The following MMP2 variants were observed in gnomAD, a reference collection of about 807,000 sequenced individuals.
The protein encoded by MMP2 is matrix metallopeptidase 2, also known as 72 kDa type IV collagenase.
Under a neutral mutation model 74.8 loss-of-function variants are expected in MMP2, and 39 were observed. The ratio of observed to expected loss-of-function variants is 0.52; its 90% CI spans 0.40 to 0.68. The LOEUF is 0.68. Ranked by LOEUF, MMP2 falls within the 30% of genes least tolerant of loss-of-function variation. The pLI, the probability that MMP2 is intolerant of heterozygous loss-of-function variation, is 0.00. For missense variants in MMP2, 803 were observed against 878.3 expected, an observed-to-expected ratio of 0.91 and a Z score of 1.08; for synonymous variants, 367 against 339.8, an observed-to-expected ratio of 1.08 and a Z score of -0.88.
chr16:55,479,703 T>C (rs1962048349), intron 1 of MMP2, 71 bp downstream of exon 1: 1 of 1,584,382 alleles, frequency 6.3e-7, no homozygotes, highest in Non-Finnish European at 8.6e-7. Context: ...GGGGTGTCTC[T>C]CCCCCTGCCC....
chr16:55,504,285 G>T (rs1266603135), intron 12 of MMP2, among the ~76,000 whole-genome samples: 1 of 152,154 alleles, frequency 6.6e-6, no homozygotes, highest in Non-Finnish European at 1.5e-5. Context: ...AAGTTATTCA[G>T]ATTTAAAGAC....
At chr16:55,484,568 A>C (rs1228957256) in intron 3 of MMP2, among the ~76,000 whole-genome samples, 1 of 152,258 alleles carries the variant, frequency 6.6e-6, no homozygotes, top group Non-Finnish European at 1.5e-5. Flanking sequence ...GATTTTGGAC[A>C]GCACAGACAA....
intron 8 of MMP2, among the ~76,000 whole-genome samples, chr16:55,492,540 C>T (rs894519304): frequency 9.3e-5 from 14 of 151,312 alleles, no homozygotes; most frequent in Admixed American, 7.9e-4. Flanking sequence ...ATTTAATGGT[C>T]CAGGTGATAT....
In MMP2 at chr16:55,506,297, C is replaced by T. The variant is rs895933919; in HGVS notation, c.*855C>T. On this transcript the variant is annotated 3_prime_UTR_variant, in exon 13 of 13. Transcript: ENST00000219070. ...CAAGGGCCACAGACCCAGCCAGAAGCGGAAACTTAAAAAGTCCGAATCTCT... is the reference window on the plus strand; with the variant it reads ...CAAGGGCCACAGACCCAGCCAGAAGTGGAAACTTAAAAAGTCCGAATCTCT... 6.6e-6 allele frequency: 1 copy of T among 152,202 alleles called. No homozygotes were observed. Among genetic ancestry groups the T allele is most frequent in the East Asian group, 1.9e-4 (1 of 5,198 alleles). The allele number at this position is 152,202 out of a possible 1,614,324, so 9.4% of individuals were successfully genotyped here.
Position 55,505,720 on chromosome 16 carries a change from C to A in MMP2, c.*278C>A. 1 of 504,742 alleles carries A rather than the reference C, an allele frequency of 2.0e-6. No homozygotes were observed. Among genetic ancestry groups the A allele is most frequent in the Non-Finnish European group, 3.6e-6 (1 of 276,626 alleles). 31.3% of individuals were successfully genotyped at this position (504,742 alleles called of 1,614,324 possible). A position where few individuals can be genotyped will look rare whatever the true frequency, so the allele number is the denominator to read the frequency against. ...AAGAGATACTTTGATATTTTCAACG[C>A]AGCCCTGCTTTGGGCTGCCCTGGTG... On this transcript the variant is annotated 3_prime_UTR_variant, in exon 13 of 13. Transcript: ENST00000219070.
At chr16:55,492,811 T>G (rs1962443598) in intron 8 of MMP2, among the ~76,000 whole-genome samples, 1 of 152,188 alleles carries the variant, frequency 6.6e-6, no homozygotes, top group Non-Finnish European at 1.5e-5. Flanking sequence ...CCCTGACTCT[T>G]GTGGGCATAA....
chr16:55,496,622 A>C (rs1962533659), intron 9 of MMP2, among the ~76,000 whole-genome samples: 1 of 152,216 alleles, frequency 6.6e-6, no homozygotes, highest in Admixed American at 6.5e-5. Context: ...CCAGGCACTC[A>C]GAGTTGATGA....
At chr16:55,490,618 C>T (rs1026390020) in intron 7 of MMP2, among the ~76,000 whole-genome samples, 8 of 152,198 alleles carry the variant, frequency 5.3e-5, no homozygotes, top group African/African-American at 1.9e-4. Context: ...ATGGCCAGGT[C>T]AGTGGGCAGG....
At chr16:55,491,772 C>A in intron 7 of MMP2, 29 bp from the exon 8 acceptor site, 1 of 1,613,966 alleles carries the variant, frequency 6.2e-7, no homozygotes, top group Non-Finnish European at 8.5e-7. Flanking sequence ...TCCTGTCTTT[C>A]AACCCTCTCT....
At chr16:55,504,647 T>C (rs1324476544) in intron 12 of MMP2, among the ~76,000 whole-genome samples, 1 of 134,238 alleles carries the variant, frequency 7.4e-6, no homozygotes, top group African/African-American at 2.9e-5. Flanking sequence ...ATTGAAACAA[T>C]TGAATTTTTT....
chr16:55,493,121 G>A, intron 8 of MMP2, 37 bp from the exon 9 acceptor site: 1 of 1,612,052 alleles, frequency 6.2e-7, no homozygotes, highest in Non-Finnish European at 8.5e-7. Flanking sequence ...AGAACCTCTG[G>A]AGCTGCAGAG....
At chr16:55,488,295 A>C in intron 5 of MMP2, 1 of 544,796 alleles carries the variant, frequency 1.8e-6, no homozygotes, top group East Asian at 3.3e-5. Context: ...GCTGTGTGCC[A>C]GGTGTCAATC....
chr16:55,486,333 GTGTGTGTGTGTGCC>G (rs1189212944), intron 5 of MMP2, among the ~76,000 whole-genome samples: 4 of 131,978 alleles, frequency 3.0e-5, no homozygotes, highest in Non-Finnish European at 6.4e-5. Context: ...GTGTGTGTGT[GTGTGTGTGTGTGCC>G]TGTGTGTGTG....
rs781389911 is a variant in MMP2 at position 55,505,487 on chromosome 16, T to C, written c.*45T>C. 2 of 1,543,432 alleles carry C rather than the reference T, an allele frequency of 1.3e-6. No homozygotes were observed. Among genetic ancestry groups the C allele is most frequent in the Non-Finnish European group, 1.8e-6 (2 of 1,116,174 alleles). Reference sequence around the variant, plus strand: ...GGCCCTTCCTCTCCACTGCCTTCGATACACCGGGCCTGGAGAACTAGAGAA... The same window carrying C: ...GGCCCTTCCTCTCCACTGCCTTCGACACACCGGGCCTGGAGAACTAGAGAA... On this transcript the variant is annotated 3_prime_UTR_variant, in exon 13 of 13. Coordinates refer to ENST00000219070, the MANE Select transcript of MMP2 (RefSeq NM_004530.6).
Position 55,505,391 on chromosome 16 carries a change from T to C in MMP2, c.1932T>C (p.Ser644=), listed in dbSNP as rs1962774369. The C allele has an allele frequency of 6.2e-6, 10 of 1,614,120 alleles. No individual in the cohort carries two copies. The highest frequency in any genetic ancestry group is 8.5e-6 in the Non-Finnish European group (10 of 1,180,016). ...ATTACCTGAAGCTGGAGAACCAAAG[T>C]CTGAAGAGCGTGAAGTTTGGAAGCA... is the stretch of plus-strand genomic sequence containing the variant. ...GAYYLKLENQ[S]LKSVKFGSIK... Residue 644 remains serine, a synonymous_variant, in exon 13 of 13, where the codon AGT becomes AGC. Coordinates refer to ENST00000219070, the MANE Select transcript of MMP2 (RefSeq NM_004530.6).
rs17859964 is a variant in MMP2, at chr16:55,496,174, C to A, written c.1473-752C>A. Among the ~76,000 whole-genome samples, 707 of 152,250 alleles carry A rather than the reference C, an allele frequency of 4.6e-3. 5 individuals are homozygous for A. Among genetic ancestry groups the A allele is most frequent in the African/African-American group, 0.016 (645 of 41,532 alleles). ...CTTATCTGTAGATCTCTGTAAGGAC[C>A]CAATCATTTGCATTTCTAATGAGTT... On this transcript the variant is annotated intron_variant, in intron 9 of 12. Transcript: ENST00000219070.
At chr16:55,495,245 G>A (rs1962504128) in intron 9 of MMP2, among the ~76,000 whole-genome samples, 1 of 152,174 alleles carries the variant, frequency 6.6e-6, no homozygotes, top group Non-Finnish European at 1.5e-5. Flanking sequence ...TGCTTCATCT[G>A]GAGCTCCTCC....
intron 1 of MMP2, chr16:55,479,983 G>T (rs989184989): frequency 1.4e-5 from 4 of 294,402 alleles, no homozygotes; most frequent in East Asian, 9.3e-5. Flanking sequence ...TTTGGCGGGG[G>T]GGGGGGGCGG....
At position 55,506,668 on chromosome 16, in the gene MMP2, A is replaced by T. The variant is rs1236596524; in HGVS notation, c.*1226A>T. The T allele has an allele frequency of 1.3e-5, 2 of 152,200 alleles. No homozygotes were observed. Among genetic ancestry groups the T allele is most frequent in the Non-Finnish European group, 2.9e-5 (2 of 68,048 alleles). 9.4% of individuals were successfully genotyped at this position (152,200 alleles called of 1,614,324 possible). On this transcript the variant is annotated 3_prime_UTR_variant, in exon 13 of 13. Coordinates refer to ENST00000219070, the MANE Select transcript of MMP2 (RefSeq NM_004530.6). ...CACATAAATAAAAAAGGCCATTATT[A>T]GTTGAATCTTATTGATGAAGAGACT...
Sources: allele counts gnomAD v4.1 joint callset (sites outside exome capture counted in the v4.1 genomes callset), GRCh38; gene constraint gnomAD v4.1.1; transcripts MANE v1.5; gene names NCBI Gene and HGNC (gene_info 2026-07-23, HGNC 2026-07-21).